The following HAPLN3 variants were observed in gnomAD, a reference collection of about 807,000 sequenced individuals.
HAPLN3 encodes the protein hyaluronan and proteoglycan link protein 3.
In HAPLN3, 28 loss-of-function variants were observed where a neutral mutation model predicts 28.1. The observed-to-expected ratio is 1.00, with a 90% confidence interval of 0.74 to 1.37. HAPLN3 has a LOEUF of 1.37. Among genes scored for constraint, HAPLN3 ranks in the 40% most tolerant of loss-of-function variants. HAPLN3 has a pLI of 0.00. For missense variants in HAPLN3, 513 were observed against 504.6 expected (o/e 1.02, Z -0.16); for synonymous variants, 211 against 213.1 (o/e 0.99, Z 0.09).
rs1897636457 is a variant in HAPLN3 at position 88,879,447 on chromosome 15, A to C, written c.494-178T>G. 6.5e-7 allele frequency: 1 copy of C among 1,534,096 alleles called. No homozygotes were observed. ...TGTCCGTTGCCGCCTCTCTCCTGGG[A>C]CTCAGCTGGTTCACAGCAGTACTCA... On this transcript the variant is annotated intron_variant, in intron 3 of 4. Coordinates refer to ENST00000359595, the MANE Select transcript of HAPLN3 (RefSeq NM_178232.4). This position sits in a 1 kb window ranked among gnomAD's most constrained non-coding sequence, Gnocchi z 5.0.
rs1160766388 is a variant in HAPLN3, at chr15:88,887,169, G to A, written c.124+6C>T. ...AGCAAAGAGCCGGGTGCAGGAGGTCGCCTACCTTTGCCATGACCGTTGCCT... is the reference window on the plus strand; with the variant it reads ...AGCAAAGAGCCGGGTGCAGGAGGTCACCTACCTTTGCCATGACCGTTGCCT... On this transcript the variant is annotated splice_donor_region_variant and intron_variant, in intron 2 of 4. Transcript: ENST00000359595. 1.2e-5 allele frequency: 20 copies of A among 1,614,026 alleles called. No homozygotes were observed. Among genetic ancestry groups the A allele is most frequent in the Admixed American group, 8.3e-5 (5 of 60,006 alleles).
Position 88,879,534 on chromosome 15 carries a change from C to G in HAPLN3, c.494-265G>C. 4 of 1,464,660 alleles carry G rather than the reference C, an allele frequency of 2.7e-6. No individual in the cohort carries two copies. Among genetic ancestry groups the G allele is most frequent in the Non-Finnish European group, 3.6e-6 (4 of 1,101,056 alleles). The allele number at this position is 1,464,660 out of a possible 1,614,324, so 90.7% of individuals were successfully genotyped here. On this transcript the variant is annotated intron_variant, in intron 3 of 4. Coordinates refer to ENST00000359595, the MANE Select transcript of HAPLN3 (RefSeq NM_178232.4). The surrounding 1 kb of genome is among the most constrained non-coding windows in gnomAD (Gnocchi z 5.0). ...TTAATGTCCCCAACAATGTCCCCAA[C>G]CTAATCCGCAAGGCTGTCGCCAGAC...
chr15:88,884,651 C>G (rs1897797271), intron 2 of HAPLN3, among the ~76,000 whole-genome samples: 1 of 152,094 alleles, frequency 6.6e-6, no homozygotes, highest in Non-Finnish European at 1.5e-5. Flanking sequence ...AATGGCCTCC[C>G]AAAATACCCT....
intron 1 of HAPLN3, among the ~76,000 whole-genome samples, chr15:88,891,719 G>A (rs1898017552): frequency 6.6e-6 from 1 of 152,232 alleles, no homozygotes; most frequent in Non-Finnish European, 1.5e-5. Context: ...CAGCTAGGAA[G>A]TGGCAGAGCT....
At position 88,881,167 on chromosome 15, in the gene HAPLN3, GT is replaced by G; in HGVS notation, c.493+189del. 1.4e-6 allele frequency: 1 copy of G among 701,164 alleles called. No homozygotes were observed. Among genetic ancestry groups the G allele is most frequent in the East Asian group, 2.8e-5 (1 of 36,322 alleles). The allele number at this position is 701,164 out of a possible 1,614,324, so 43.4% of individuals were successfully genotyped here. ...TTACAAGCTGTGTGACCTTAGGTAA[GT>G]TACTTGACCTCTCTGTGCCTCAGTT... On this transcript the variant is annotated intron_variant, in intron 3 of 4. Transcript: ENST00000359595. The surrounding 1 kb of genome is among the most constrained non-coding windows in gnomAD (Gnocchi z 6.0).
intron 2 of HAPLN3, 73 bp downstream of exon 2, chr15:88,887,102 C>T (rs565108204): frequency 1.2e-5 from 19 of 1,532,682 alleles, no homozygotes; most frequent in Non-Finnish European, 1.7e-5. Flanking sequence ...CTGGAACCCT[C>T]AGATCACAGC....
chr15:88,885,746 C>A (rs897240157), intron 2 of HAPLN3, among the ~76,000 whole-genome samples: 1 of 152,036 alleles, frequency 6.6e-6, no homozygotes, highest in Admixed American at 6.6e-5. Context: ...TGAGTCACCG[C>A]GCCTGGCCAA....
At position 88,881,694 on chromosome 15, in the gene HAPLN3, C is replaced by A. The variant is rs761159099; in HGVS notation, c.156G>T (p.Glu52Asp). 1 of 1,613,278 alleles carries A rather than the reference C, an allele frequency of 6.2e-7. No individual in the cohort carries two copies. Among genetic ancestry groups the A allele is most frequent in the South Asian group, 1.1e-5 (1 of 91,000 alleles). The stretch of plus-strand genomic sequence containing the variant: ...AGGTGAACAGGGTCTCCTCGGGTGT[C>A]TCCACCACCAGCTTCACTCCATTAA... The part of the protein sequence containing the change: ...DLLNGVKLVV[E>D]TPEETLFTYQ... Residue 52 changes from glutamate to aspartate, a missense_variant, in exon 3 of 5, where the codon GAG (glutamate) becomes GAT (aspartate). Coordinates refer to ENST00000359595, the MANE Select transcript of HAPLN3 (RefSeq NM_178232.4). This position sits in a 1 kb window ranked among gnomAD's most constrained non-coding sequence, Gnocchi z 6.0.
At position 88,880,065 on chromosome 15, in the gene HAPLN3, G is replaced by T; in HGVS notation, c.494-796C>A. 1 of 994,010 alleles carries T rather than the reference G, an allele frequency of 1.0e-6. No individual in the cohort carries two copies. The highest frequency in any genetic ancestry group is 1.2e-6 in the Non-Finnish European group (1 of 835,420). The allele number at this position is 994,010 out of a possible 1,614,324, so 61.6% of individuals were successfully genotyped here. ...AGCCCCAAACCTCCGATCTCACCAG[G>T]GCCGGAAGCCAGGCACCTGGGCAAA... On this transcript the variant is annotated intron_variant, in intron 3 of 4. Transcript: ENST00000359595. The surrounding 1 kb of genome is among the most constrained non-coding windows in gnomAD (Gnocchi z 6.0).
At chr15:88,883,346 C>CA (rs1596168590) in intron 2 of HAPLN3, among the ~76,000 whole-genome samples, 1 of 152,242 alleles carries the variant, frequency 6.6e-6, no homozygotes, top group East Asian at 1.9e-4. Context: ...TGGAGTCAGG[C>CA]AATTCGGGCT....
At chr15:88,893,954 G>C (rs60033482) in intron 1 of HAPLN3, among the ~76,000 whole-genome samples, 3,530 of 149,746 alleles carry the variant, frequency 0.024, 210 homozygotes, top group African/African-American at 0.08. Context: ...GTTGGGGTGG[G>C]GGGGGCGGTC....
Position 88,879,794 on chromosome 15 carries a change from G to A in HAPLN3, c.494-525C>T, listed in dbSNP as rs1897647470. 2.7e-6 allele frequency: 3 copies of A among 1,107,890 alleles called. No homozygotes were observed. The highest frequency in any genetic ancestry group is 3.3e-6 in the Non-Finnish European group (3 of 901,724). The allele number at this position is 1,107,890 out of a possible 1,614,324, so 68.6% of individuals were successfully genotyped here. On this transcript the variant is annotated intron_variant, in intron 3 of 4. Coordinates refer to ENST00000359595, the MANE Select transcript of HAPLN3 (RefSeq NM_178232.4). The surrounding 1 kb of genome is among the most constrained non-coding windows in gnomAD (Gnocchi z 5.0). ...GGTTGGGGAAGGGCCTTCCATAAAG[G>A]AGGCTCAAGGGCAGGGAGGTCTGGG...
At position 88,877,781 on chromosome 15, in the gene HAPLN3, G is replaced by A; in HGVS notation, c.*189C>T. ...GGGGAGCAAGCATGATTCCTGGAGTGGGGCATCCAGGAGCAAAGGGAGGCA... is the reference window on the plus strand; with the variant it reads ...GGGGAGCAAGCATGATTCCTGGAGTAGGGCATCCAGGAGCAAAGGGAGGCA... On this transcript the variant is annotated 3_prime_UTR_variant, in exon 5 of 5. Coordinates refer to ENST00000359595, the MANE Select transcript of HAPLN3 (RefSeq NM_178232.4). The surrounding 1 kb of genome is among the most constrained non-coding windows in gnomAD (Gnocchi z 5.1). 1 of 609,608 alleles carries A rather than the reference G, an allele frequency of 1.6e-6. No homozygotes were observed. Among genetic ancestry groups the A allele is most frequent in the Non-Finnish European group, 2.8e-6 (1 of 357,704 alleles). The allele number at this position is 609,608 out of a possible 1,614,324, so 37.8% of individuals were successfully genotyped here.
chr15:88,880,520 G>C lies in HAPLN3; in HGVS notation c.493+837C>G, dbSNP rs918361321. On this transcript the variant is annotated intron_variant, in intron 3 of 4. Coordinates refer to ENST00000359595, the MANE Select transcript of HAPLN3 (RefSeq NM_178232.4). The surrounding 1 kb of genome is among the most constrained non-coding windows in gnomAD (Gnocchi z 6.0). Reference sequence around the variant, plus strand: ...GCATTTACCCACATGTCATAGCTGGGACGGGCTGGGGCTAAAGTCAGGTCA... The same window carrying C: ...GCATTTACCCACATGTCATAGCTGGCACGGGCTGGGGCTAAAGTCAGGTCA... 1 of 1,279,934 alleles carries C rather than the reference G, an allele frequency of 7.8e-7. No individual in the cohort carries two copies. 79.3% of individuals were successfully genotyped at this position (1,279,934 alleles called of 1,614,324 possible).
Position 88,881,817 on chromosome 15 carries a change from A to T in HAPLN3, c.125-92T>A. 6.9e-7 allele frequency: 1 copy of T among 1,440,142 alleles called. No homozygotes were observed. The highest frequency in any genetic ancestry group is 9.3e-7 in the Non-Finnish European group (1 of 1,075,118). The allele number at this position is 1,440,142 out of a possible 1,614,324, so 89.2% of individuals were successfully genotyped here. ...GCACACCCTCATCCACGGCTCCTAC[A>T]GGCTCAGATTGCAAAAATGGCCACC... On this transcript the variant is annotated intron_variant, in intron 2 of 4. Transcript: ENST00000359595. The surrounding 1 kb of genome is among the most constrained non-coding windows in gnomAD (Gnocchi z 6.0).
At chr15:88,894,884 G>C (rs1898115154) in intron 1 of HAPLN3, among the ~76,000 whole-genome samples, 1 of 152,168 alleles carries the variant, frequency 6.6e-6, no homozygotes. Flanking sequence ...CGCTGTCCCT[G>C]GGGCAAGAAC....
chr15:88,891,986 T>C (rs1779147328), intron 1 of HAPLN3, among the ~76,000 whole-genome samples: 2 of 152,304 alleles, frequency 1.3e-5, no homozygotes, highest in African/African-American at 4.8e-5. Flanking sequence ...CTGCTGCTTA[T>C]AATGTTTCCA....
rs1015876576 is a variant in HAPLN3 at position 88,880,724 on chromosome 15, TG to T, written c.493+632del. ...AGCACTGGGTTTTTGTTTTTGGTTT[TG>T]GGGGGGCTTTTTGTTTGTTTTTTGT... On this transcript the variant is annotated intron_variant, in intron 3 of 4. Transcript: ENST00000359595. This position sits in a 1 kb window ranked among gnomAD's most constrained non-coding sequence, Gnocchi z 6.0. 1 of 417,408 alleles carries T rather than the reference TG, an allele frequency of 2.4e-6. No individual in the cohort carries two copies. Among genetic ancestry groups the T allele is most frequent in the South Asian group, 2.8e-5 (1 of 35,540 alleles). 25.9% of individuals were successfully genotyped at this position (417,408 alleles called of 1,614,324 possible). A position where few individuals can be genotyped will look rare whatever the true frequency, so the allele number is the denominator to read the frequency against.
intron 4 of HAPLN3, 71 bp from the exon 5 acceptor site, chr15:88,878,327 A>C (rs1897593529): frequency 3.5e-6 from 5 of 1,419,578 alleles, no homozygotes; most frequent in Non-Finnish European, 4.8e-6. Context: ...GTCTGCAGAG[A>C]TGCCAGCCCC....
Sources: allele counts gnomAD v4.1 joint callset (sites outside exome capture counted in the v4.1 genomes callset), GRCh38; gene constraint gnomAD v4.1.1; non-coding constraint Gnocchi (gnomAD v3.1); transcripts MANE v1.5; gene names NCBI Gene and HGNC (gene_info 2026-07-23, HGNC 2026-07-21).